Variants in COG7 observed in about 807,000 individuals in gnomAD.
The protein encoded by COG7 is component of oligomeric golgi complex 7.
A neutral mutation model predicts 91.5 loss-of-function variants in COG7; 49 were observed. The ratio of observed to expected loss-of-function variants is 0.54; its 90% CI spans 0.43 to 0.68. The LOEUF (loss-of-function observed/expected upper bound fraction) is 0.68, where lower values mean the gene tolerates loss of function less well. COG7 is among the 30% of genes least tolerant of loss of function. The pLI, the probability that COG7 is intolerant of heterozygous loss-of-function variation, is 0.00. For synonymous variants in COG7, 365 were observed against 388.7 expected, an observed-to-expected ratio of 0.94 and a Z score of 0.72; for missense variants, 895 against 961.3, an observed-to-expected ratio of 0.93 and a Z score of 0.91.
At chr16:23,451,065 C>T (rs1400344349) in intron 1 of COG7, among the ~76,000 whole-genome samples, 1 of 151,990 alleles carries the variant, frequency 6.6e-6, no homozygotes, top group Non-Finnish European at 1.5e-5. Context: ...GTGGGGCACG[C>T]ACCTGTAATC....
At chr16:23,437,490 T>C (rs940118210) in intron 4 of COG7, among the ~76,000 whole-genome samples, 2 of 152,116 alleles carry the variant, frequency 1.3e-5, no homozygotes, top group African/African-American at 4.8e-5. Context: ...ATTCTGTGAA[T>C]GAAGAAAAGA....
chr16:23,416,944 G>C lies in COG7; in HGVS notation c.1292+23C>G, dbSNP rs777538669. 39 of 1,613,930 alleles carry C rather than the reference G, an allele frequency of 2.4e-5. No homozygotes were observed. In the Middle Eastern group the frequency reaches 3.3e-3, roughly 136 times the overall value. On this transcript the variant is annotated intron_variant, in intron 9 of 16. Coordinates refer to ENST00000307149, the MANE Select transcript of COG7 (RefSeq NM_153603.4). ...GACACTGCTCCAATGTGGCCCGTCT[G>C]GTCCCCAGTTCCCCAGCCTTACTTG...
chr16:23,443,491 G>A (rs1031731448), intron 3 of COG7, among the ~76,000 whole-genome samples: 2 of 151,648 alleles, frequency 1.3e-5, no homozygotes, highest in African/African-American at 4.8e-5. Flanking sequence ...TCAGGAGTTT[G>A]CAACCAGCCT....
chr16:23,418,926 A>C, intron 7 of COG7, 99 bp from the exon 8 acceptor site: 2 of 1,066,710 alleles, frequency 1.9e-6, no homozygotes, highest in Non-Finnish European at 2.9e-6. Context: ...AACTTTCCCC[A>C]TTTGATCTCC....
intron 8 of COG7, 26 bp downstream of exon 8, chr16:23,418,674 G>T: frequency 6.2e-7 from 1 of 1,611,854 alleles, no homozygotes; most frequent in Admixed American, 1.7e-5. Context: ...TGCTTCCTCA[G>T]TGGCCCCAGG....
chr16:23,446,044 C>T, intron 1 of COG7, 83 bp from the exon 2 acceptor site: 1 of 1,488,606 alleles, frequency 6.7e-7, no homozygotes, highest in Non-Finnish European at 9.2e-7. Context: ...CAGTAAAATA[C>T]AGGAAACAAA....
chr16:23,405,988 A>G (rs1596917859), intron 12 of COG7, 88 bp downstream of exon 12: 1 of 1,193,606 alleles, frequency 8.4e-7, no homozygotes, highest in Non-Finnish European at 1.3e-6. Flanking sequence ...GGCCACACAC[A>G]GGGCCCGCCT....
At chr16:23,422,306 C>T (rs1963770947) in intron 7 of COG7, among the ~76,000 whole-genome samples, 1 of 151,446 alleles carries the variant, frequency 6.6e-6, no homozygotes, top group Non-Finnish European at 1.5e-5. Context: ...GAGCAAGACC[C>T]TGTCTCAAAA....
At chr16:23,390,517 T>C (rs1963177174) in intron 16 of COG7, among the ~76,000 whole-genome samples, 1 of 152,074 alleles carries the variant, frequency 6.6e-6, no homozygotes, top group Non-Finnish European at 1.5e-5. Context: ...CCCCACCGGC[T>C]ACTTTCTGAT....
At chr16:23,404,839 G>A (rs573184941) in intron 12 of COG7, among the ~76,000 whole-genome samples, 23 of 152,236 alleles carry the variant, frequency 1.5e-4, no homozygotes, top group South Asian at 2.1e-4. Context: ...AGAAACGCTT[G>A]AAGCGGGGAG....
intron 14 of COG7, 143 bp from the exon 15 acceptor site, chr16:23,393,490 G>A (rs1963234503): frequency 1.5e-6 from 1 of 684,022 alleles, no homozygotes; most frequent in Non-Finnish European, 2.7e-6. Context: ...CTAGTATGTG[G>A]CGATGCTTGT....
intron 12 of COG7, 94 bp downstream of exon 12, chr16:23,405,982 A>T: frequency 8.6e-7 from 1 of 1,158,080 alleles, no homozygotes; most frequent in South Asian, 1.2e-5. Context: ...GCCCAGGGCC[A>T]CACACAGGGC....
intron 7 of COG7, among the ~76,000 whole-genome samples, chr16:23,422,795 T>G (rs1963779706): frequency 6.6e-6 from 1 of 151,942 alleles, no homozygotes; most frequent in Non-Finnish European, 1.5e-5. Flanking sequence ...GTAATCTCAG[T>G]ACTTTGGGAG....
rs748589611 is a variant in COG7 at position 23,392,369 on chromosome 16, TG to T, written c.2146+10del. ...GCTGTCCCTCCCACCGCCTGTCTTGTGGGGACCCACCGATGTCAGTGGCCAG... is the reference window on the plus strand; with the variant it reads ...GCTGTCCCTCCCACCGCCTGTCTTGTGGGACCCACCGATGTCAGTGGCCAG... On this transcript the variant is annotated intron_variant, in intron 16 of 16. Coordinates refer to ENST00000307149, the MANE Select transcript of COG7 (RefSeq NM_153603.4). 4.2e-5 allele frequency: 67 copies of T among 1,614,006 alleles called. No homozygotes were observed. The highest frequency in any genetic ancestry group is 1.6e-4 in the Middle Eastern group (1 of 6,084).
chr16:23,408,126 C>T, intron 11 of COG7, among the ~76,000 whole-genome samples: 1 of 37,856 alleles, frequency 2.6e-5, no homozygotes, highest in Non-Finnish European at 4.9e-5. Flanking sequence ...GAGATAGGGG[C>T]GAGTGGGGCG....
intron 7 of COG7, 97 bp from the exon 8 acceptor site, chr16:23,418,924 C>A: frequency 9.2e-7 from 1 of 1,086,734 alleles, no homozygotes; most frequent in Non-Finnish European, 1.4e-6. Flanking sequence ...AGAACTTTCC[C>A]CATTTGATCT....
intron 11 of COG7, among the ~76,000 whole-genome samples, chr16:23,409,566 T>A (rs979637791): frequency 5.9e-5 from 9 of 152,224 alleles, no homozygotes; most frequent in African/African-American, 1.9e-4. Context: ...GGATTGCTGC[T>A]GGTCCCTCAA....
chr16:23,443,255 C>G (rs1013294256), intron 3 of COG7, among the ~76,000 whole-genome samples: 1 of 152,086 alleles, frequency 6.6e-6, no homozygotes, highest in Non-Finnish European at 1.5e-5. Flanking sequence ...TAAAAATATT[C>G]ACATCCAGGC....
Position 23,417,059 on chromosome 16 carries a change from A to T in COG7, c.1200T>A (p.Gly400=), listed in dbSNP as rs1162851666. Reference sequence around the variant, plus strand: ...ATCTGTCAACGGCTGCAGACGCCAGACCAAACAGCTTGTTCACGGAGTGGC... The same window carrying T: ...ATCTGTCAACGGCTGCAGACGCCAGTCCAAACAGCTTGTTCACGGAGTGGC... ...ELSHSVNKLF[G]LASAAVDRCV... Residue 400 remains glycine (G), a synonymous_variant, in exon 9 of 17, where the codon GGT becomes GGA. Coordinates refer to ENST00000307149, the MANE Select transcript of COG7 (RefSeq NM_153603.4). 32 of 1,614,128 alleles carry T rather than the reference A, an allele frequency of 2.0e-5. No homozygotes were observed. Among genetic ancestry groups the T allele is most frequent in the Non-Finnish European group, 2.7e-5 (32 of 1,180,042 alleles).
Sources: allele counts gnomAD v4.1 joint callset (sites outside exome capture counted in the v4.1 genomes callset), GRCh38; gene constraint gnomAD v4.1.1; transcripts MANE v1.5; gene names NCBI Gene and HGNC (gene_info 2026-07-23, HGNC 2026-07-21).